Variants in BAIAP2L1 observed in about 807,000 individuals in gnomAD.
BAIAP2L1 encodes the protein BAR/IMD domain-containing adapter protein 2-like 1.
Under a neutral mutation model 66.3 loss-of-function variants are expected in BAIAP2L1, and 35 were observed. The observed-to-expected ratio is 0.53, with a 90% CI of 0.40 to 0.70. The LOEUF is 0.70. Ranked by LOEUF, BAIAP2L1 falls within the 30% of genes least tolerant of loss-of-function variation. The pLI, the probability that BAIAP2L1 is intolerant of heterozygous loss-of-function variation, is 0.00. For missense variants in BAIAP2L1, 622 were observed against 656.9 expected (o/e 0.95, Z 0.58); for synonymous variants, 269 against 248.7 (o/e 1.08, Z -0.77).
At chr7:98,387,604 A>C (rs1366090113) in intron 1 of BAIAP2L1, among the ~76,000 whole-genome samples, 1 of 152,128 alleles carries the variant, frequency 6.6e-6, no homozygotes, top group Non-Finnish European at 1.5e-5. Flanking sequence ...TCATGCCTTT[A>C]ATCCCAGCAC....
chr7:98,386,514 G>C, intron 1 of BAIAP2L1: 1 of 1,597,020 alleles, frequency 6.3e-7, no homozygotes, highest in South Asian at 1.1e-5. Context: ...CTTAGAAAAT[G>C]GATCAACCAC....
At chr7:98,315,646 TA>T in intron 6 of BAIAP2L1, 34 bp from the exon 7 acceptor site, 1 of 1,070,980 alleles carries the variant, frequency 9.3e-7, no homozygotes, top group Non-Finnish European at 1.2e-6. Context: ...ATAATAATTA[TA>T]TAAGCATGAC....
chr7:98,385,833 T>A (rs1802877399), intron 1 of BAIAP2L1: 1 of 1,531,106 alleles, frequency 6.5e-7, no homozygotes, highest in South Asian at 1.1e-5. Flanking sequence ...ATCCATCAGC[T>A]CGTTCAACTT....
intron 3 of BAIAP2L1, among the ~76,000 whole-genome samples, chr7:98,348,569 CAAAAAA>C (rs752966671): frequency 9.1e-6 from 1 of 109,856 alleles, no homozygotes; most frequent in South Asian, 3.8e-4. Context: ...TCTGCCTCCA[CAAAAAA>C]AAAAAAAAAA....
At chr7:98,311,947 C>T (rs1584441594) in intron 8 of BAIAP2L1, 150 bp downstream of exon 8, 6 of 736,358 alleles carry the variant, frequency 8.1e-6, no homozygotes, top group East Asian at 5.3e-5. Context: ...CAGCTACCTT[C>T]GCCCCTAAAG....
chr7:98,302,274 C>T (rs567447454), intron 12 of BAIAP2L1, among the ~76,000 whole-genome samples: 8 of 152,308 alleles, frequency 5.3e-5, no homozygotes, highest in Admixed American at 4.6e-4. Flanking sequence ...GACAATGACA[C>T]GTTTTCATTT....
At chr7:98,359,756 T>TTTG (rs1554337640) in intron 2 of BAIAP2L1, among the ~76,000 whole-genome samples, 5 of 149,290 alleles carry the variant, frequency 3.3e-5, no homozygotes, top group African/African-American at 4.9e-5. Context: ...TTTTTTTTTT[T>TTTG]TTTTTTTTTT....
At position 98,292,872 on chromosome 7, in the gene BAIAP2L1, C is replaced by A. The variant is rs539041589; in HGVS notation, c.*649G>T. The stretch of plus-strand genomic sequence containing the variant: ...CCTAACTACCAAGAAAAGGAGCTCT[C>A]GGAGGAGATTTCGTCGAGTGCTACG... On this transcript the variant is annotated 3_prime_UTR_variant, in exon 14 of 14. Coordinates refer to ENST00000005260, the MANE Select transcript of BAIAP2L1 (RefSeq NM_018842.5). 20 of 1,444,420 alleles carry A rather than the reference C, an allele frequency of 1.4e-5. No individual in the cohort carries two copies. Among genetic ancestry groups the A allele is most frequent in the Non-Finnish European group, 1.7e-5 (19 of 1,099,706 alleles). The allele number at this position is 1,444,420 out of a possible 1,614,324, so 89.5% of individuals were successfully genotyped here. A position where few individuals can be genotyped will look rare whatever the true frequency, so the allele number is the denominator to read the frequency against.
chr7:98,384,569 T>C (rs931059533), intron 1 of BAIAP2L1, among the ~76,000 whole-genome samples: 11 of 152,186 alleles, frequency 7.2e-5, no homozygotes, highest in African/African-American at 2.7e-4. Flanking sequence ...TAACAGGAAC[T>C]TTATCGGATC....
intron 1 of BAIAP2L1, among the ~76,000 whole-genome samples, chr7:98,388,685 A>G (rs1179634230): frequency 6.6e-6 from 1 of 152,204 alleles, no homozygotes; most frequent in Non-Finnish European, 1.5e-5. Context: ...TTAAATAATC[A>G]CAACTGGGCC....
At chr7:98,385,325 C>T (rs971942934) in intron 1 of BAIAP2L1, among the ~76,000 whole-genome samples, 1 of 151,840 alleles carries the variant, frequency 6.6e-6, no homozygotes, top group Non-Finnish European at 1.5e-5. Context: ...AATAAAATTG[C>T]GGCCTTTGCG....
intron 3 of BAIAP2L1, among the ~76,000 whole-genome samples, chr7:98,337,131 G>A (rs1033851883): frequency 3.3e-5 from 5 of 152,174 alleles, no homozygotes; most frequent in Admixed American, 1.3e-4. Context: ...ACGGGGTCAC[G>A]GCGAGGTTAC....
At chr7:98,349,563 C>T (rs1801953771) in intron 3 of BAIAP2L1, among the ~76,000 whole-genome samples, 1 of 152,114 alleles carries the variant, frequency 6.6e-6, no homozygotes, top group Admixed American at 6.5e-5. Context: ...GATAACCTCT[C>T]ATCCCCTTCT....
At chr7:98,335,739 C>T (rs1205491122) in intron 3 of BAIAP2L1, among the ~76,000 whole-genome samples, 3 of 152,210 alleles carry the variant, frequency 2.0e-5, no homozygotes, top group African/African-American at 7.2e-5. Context: ...CCAGCTCCCC[C>T]GCTGGGACTC....
intron 3 of BAIAP2L1, among the ~76,000 whole-genome samples, chr7:98,326,872 C>CA (rs76222115): frequency 3.4e-4 from 50 of 145,084 alleles, no homozygotes; most frequent in Admixed American, 5.5e-4. Context: ...CTAGTCGTGA[C>CA]AAAAAAAAAA....
chr7:98,297,672 C>T (rs1035970597), intron 12 of BAIAP2L1, among the ~76,000 whole-genome samples: 68 of 152,096 alleles, frequency 4.5e-4, no homozygotes, highest in African/African-American at 1.5e-3. Flanking sequence ...AAAAGGGGGA[C>T]GCTGAGGCCC....
At chr7:98,367,246 T>C (rs911848018) in intron 1 of BAIAP2L1, among the ~76,000 whole-genome samples, 1 of 152,192 alleles carries the variant, frequency 6.6e-6, no homozygotes, top group East Asian at 1.9e-4. Context: ...TGGTATCTTC[T>C]ATAACCATAG....
In BAIAP2L1 at chr7:98,293,665, A is replaced by G. The variant is rs532930114; in HGVS notation, c.1461-69T>C. On this transcript the variant is annotated intron_variant, in intron 13 of 13. Coordinates refer to ENST00000005260, the MANE Select transcript of BAIAP2L1 (RefSeq NM_018842.5). Reference sequence around the variant, plus strand: ...GGGAAACTGGATTTTAACAGTGCTAATAACCCGTTCTTGCCCTGTGAGACT... The same window carrying G: ...GGGAAACTGGATTTTAACAGTGCTAGTAACCCGTTCTTGCCCTGTGAGACT... 7 of 1,476,650 alleles carry G rather than the reference A, an allele frequency of 4.7e-6. No homozygotes were observed. In the South Asian group the frequency reaches 6.8e-5, roughly 14 times the overall value. 91.5% of individuals were successfully genotyped at this position (1,476,650 alleles called of 1,614,324 possible).
At chr7:98,374,404 A>G (rs1802575051) in intron 1 of BAIAP2L1, among the ~76,000 whole-genome samples, 1 of 152,214 alleles carries the variant, frequency 6.6e-6, no homozygotes. Flanking sequence ...GATAGACAAG[A>G]TACCAAAGCT....
Sources: allele counts gnomAD v4.1 joint callset (sites outside exome capture counted in the v4.1 genomes callset), GRCh38; gene constraint gnomAD v4.1.1; transcripts MANE v1.5; gene names NCBI Gene and HGNC (gene_info 2026-07-23, HGNC 2026-07-21).